XKR4: variants seen among roughly 807,000 people sequenced by gnomAD.
The protein encoded by XKR4 is XK related 4, also known as XK-related protein 4.
Under a neutral mutation model 53.9 loss-of-function variants are expected in XKR4, and 12 were observed. The observed-to-expected ratio is 0.22, with a 90% CI of 0.14 to 0.36. XKR4 has a LOEUF of 0.36. Among genes scored for constraint, XKR4 ranks in the 10% least tolerant of loss-of-function variants. The probability of loss-of-function intolerance (pLI) is 1.00; values close to 1 mark genes in which losing one functional copy is unlikely to be tolerated. For missense variants in XKR4, 799 were observed against 859.5 expected, an observed-to-expected ratio of 0.93 and a Z score of 0.88; for synonymous variants, 354 against 362.4, an observed-to-expected ratio of 0.98 and a Z score of 0.26.
At chr8:55,510,064 C>T (rs1471650885) in intron 2 of XKR4, among the ~76,000 whole-genome samples, 3 of 152,320 alleles carry the variant, frequency 2.0e-5, no homozygotes, top group South Asian at 4.1e-4. Context: ...GACACACCCA[C>T]ACCCAGCAGG....
intron 2 of XKR4, among the ~76,000 whole-genome samples, chr8:55,401,668 C>G (rs560409931): frequency 8.5e-5 from 13 of 152,310 alleles, no homozygotes; most frequent in African/African-American, 3.1e-4. Context: ...AGGATTCAAG[C>G]CTGGGTCCAT....
At chr8:55,412,757 C>T (rs1299761556) in intron 2 of XKR4, among the ~76,000 whole-genome samples, 1 of 152,228 alleles carries the variant, frequency 6.6e-6, no homozygotes, top group Non-Finnish European at 1.5e-5. Flanking sequence ...CTGAGCTGCT[C>T]TCACGTTTCT....
intron 2 of XKR4, among the ~76,000 whole-genome samples, chr8:55,408,152 G>T (rs939314257): frequency 6.6e-6 from 1 of 152,178 alleles, no homozygotes; most frequent in Non-Finnish European, 1.5e-5. Context: ...GTAAAAAAGG[G>T]ATGAGAGGTT....
chr8:55,519,030 C>T (rs1181543843), intron 2 of XKR4, among the ~76,000 whole-genome samples: 2 of 152,124 alleles, frequency 1.3e-5, no homozygotes, highest in African/African-American at 4.8e-5. Flanking sequence ...TAACTGTTAG[C>T]GCCCTTGTTT....
At chr8:55,390,127 C>T (rs1001481197) in intron 2 of XKR4, among the ~76,000 whole-genome samples, 6 of 152,190 alleles carry the variant, frequency 3.9e-5, no homozygotes, top group Non-Finnish European at 7.3e-5. Context: ...AACTTAACAA[C>T]ACATTTGTGA....
chr8:55,503,358 C>T (rs1181669812), intron 2 of XKR4, among the ~76,000 whole-genome samples: 1 of 151,940 alleles, frequency 6.6e-6, no homozygotes, highest in Admixed American at 6.6e-5. Flanking sequence ...CTTTCATTTC[C>T]TTTAGCAACA....
At chr8:55,430,580 T>C (rs1805087067) in intron 2 of XKR4, among the ~76,000 whole-genome samples, 1 of 152,202 alleles carries the variant, frequency 6.6e-6, no homozygotes, top group African/African-American at 2.4e-5. Flanking sequence ...TTCCTGATTG[T>C]ATCAATATTA....
intron 1 of XKR4, among the ~76,000 whole-genome samples, chr8:55,161,316 G>A (rs2306451): frequency 0.03 from 4,551 of 152,234 alleles, 172 homozygotes; most frequent in East Asian, 0.12. Flanking sequence ...AGAAAAAAAA[G>A]AGATGCAGAT....
At chr8:55,345,260 C>T (rs1176000465) in intron 1 of XKR4, among the ~76,000 whole-genome samples, 1 of 151,316 alleles carries the variant, frequency 6.6e-6, no homozygotes, top group Non-Finnish European at 1.5e-5. Flanking sequence ...TGCCACTGCA[C>T]TCCAGCCTGG....
intron 1 of XKR4, among the ~76,000 whole-genome samples, chr8:55,209,940 A>C (rs1817707972): frequency 6.7e-6 from 1 of 149,642 alleles, no homozygotes; most frequent in African/African-American, 2.4e-5. Flanking sequence ...AGAAGACAGA[A>C]TCTTTGGGAG....
intron 2 of XKR4, chr8:55,451,881 G>C: frequency 1.2e-6 from 1 of 853,488 alleles, no homozygotes. Context: ...TCAGTGTGCT[G>C]GGCTCCAGCT....
chr8:55,512,187 T>C (rs1806636718), intron 2 of XKR4, among the ~76,000 whole-genome samples: 1 of 152,188 alleles, frequency 6.6e-6, no homozygotes, highest in Non-Finnish European at 1.5e-5. Context: ...CCACCCTCAC[T>C]GCCATCTTCA....
intron 2 of XKR4, among the ~76,000 whole-genome samples, chr8:55,458,486 T>C (rs914149637): frequency 1.1e-4 from 17 of 152,222 alleles, no homozygotes. Context: ...GACAGCTCAG[T>C]GGAGGGCCAC....
chr8:55,238,993 A>G (rs760618833), intron 1 of XKR4, among the ~76,000 whole-genome samples: 1 of 152,170 alleles, frequency 6.6e-6, no homozygotes, highest in African/African-American at 2.4e-5. Flanking sequence ...TTGCTGACAC[A>G]TTTTATTCAC....
intron 1 of XKR4, among the ~76,000 whole-genome samples, chr8:55,274,598 A>C (rs1221909183): frequency 6.6e-6 from 1 of 151,814 alleles, no homozygotes; most frequent in Non-Finnish European, 1.5e-5. Flanking sequence ...ACACCCAGCT[A>C]ATGTTTGTAT....
chr8:55,372,995 C>G (rs1345171513), intron 2 of XKR4, among the ~76,000 whole-genome samples: 1 of 152,158 alleles, frequency 6.6e-6, no homozygotes, highest in Non-Finnish European at 1.5e-5. Context: ...TGGAGATTCA[C>G]TCTTCAAAGC....
chr8:55,412,209 C>T (rs1266063052), intron 2 of XKR4, among the ~76,000 whole-genome samples: 2 of 151,994 alleles, frequency 1.3e-5, no homozygotes, highest in East Asian at 3.9e-4. Flanking sequence ...TGGACTGAGC[C>T]CAAAACCAAC....
At chr8:55,370,776 A>G (rs1299496304) in intron 2 of XKR4, among the ~76,000 whole-genome samples, 1 of 152,156 alleles carries the variant, frequency 6.6e-6, no homozygotes, top group Non-Finnish European at 1.5e-5. Context: ...GAGATGCAAA[A>G]ACAAGCGTGG....
intron 2 of XKR4, among the ~76,000 whole-genome samples, chr8:55,362,750 C>G (rs868529299): frequency 2.6e-5 from 4 of 152,180 alleles, no homozygotes; most frequent in Admixed American, 6.5e-5. Flanking sequence ...TTTGGTTGCA[C>G]AGACCCAGCC....
Sources: gnomAD v4.1 joint callset for allele counts (sites outside exome capture counted in the v4.1 genomes callset) on GRCh38, gnomAD v4.1.1 for gene constraint, MANE v1.5 for transcripts, NCBI Gene and HGNC (gene_info 2026-07-23, HGNC 2026-07-21) for gene names.